TSHZ1: variants seen among roughly 807,000 people sequenced by gnomAD.
The protein encoded by TSHZ1 is teashirt homolog 1.
In TSHZ1, 12 loss-of-function variants were observed where a neutral mutation model predicts 67.1. The ratio of observed to expected loss-of-function variants is 0.18; its 90% CI spans 0.11 to 0.29. The LOEUF (loss-of-function observed/expected upper bound fraction) is 0.29. Ranked by LOEUF, TSHZ1 falls within the 10% of genes least tolerant of loss-of-function variation. The pLI is 1.00. For missense variants in TSHZ1, 1,305 were observed against 1,413.9 expected (o/e 0.92, Z 1.23); for synonymous variants, 632 against 622.4 (o/e 1.02, Z -0.23).
intron 1 of TSHZ1, among the ~76,000 whole-genome samples, chr18:75,267,138 A>G (rs895604573): frequency 6.6e-6 from 1 of 152,240 alleles, no homozygotes; most frequent in East Asian, 1.9e-4. Context: ...AAATGAATAT[A>G]CACCATGATT....
intron 1 of TSHZ1, among the ~76,000 whole-genome samples, chr18:75,248,796 G>A (rs888507733): frequency 4.6e-5 from 7 of 152,334 alleles, no homozygotes; most frequent in East Asian, 1.9e-4. Context: ...CCAGCTTTGC[G>A]AGTGTGATGG....
At chr18:75,259,606 A>C (rs2023405554) in intron 1 of TSHZ1, among the ~76,000 whole-genome samples, 1 of 152,064 alleles carries the variant, frequency 6.6e-6, no homozygotes, top group Non-Finnish European at 1.5e-5. Context: ...TGAGAAAGAG[A>C]CCCCATTCAC....
chr18:75,267,641 T>A (rs2023505763), intron 1 of TSHZ1, among the ~76,000 whole-genome samples: 1 of 152,158 alleles, frequency 6.6e-6, no homozygotes, highest in Non-Finnish European at 1.5e-5. Context: ...ATGATAGCCG[T>A]TTCTCACAGA....
intron 1 of TSHZ1, among the ~76,000 whole-genome samples, chr18:75,274,853 T>C (rs776002533): frequency 6.6e-6 from 1 of 152,208 alleles, no homozygotes; most frequent in Non-Finnish European, 1.5e-5. Flanking sequence ...TTGATATAAC[T>C]TTTGATTCAG....
At chr18:75,263,790 C>G (rs772883516) in intron 1 of TSHZ1, among the ~76,000 whole-genome samples, 1 of 152,124 alleles carries the variant, frequency 6.6e-6, no homozygotes, top group Non-Finnish European at 1.5e-5. Context: ...ACAAAATGAC[C>G]TTTTACTAAG....
In TSHZ1 at chr18:75,234,935, C is replaced by T. The variant is rs181420239; in HGVS notation, c.40+23019C>T. Among the ~76,000 whole-genome samples, 1,024 of 152,280 alleles carry T rather than the reference C, an allele frequency of 6.7e-3. 14 individuals carry two copies. The highest frequency in any genetic ancestry group is 0.023 in the African/African-American group (966 of 41,556). ...TATTTCATTTTCTCAGTAGACCCAG[C>T]GCATCGAAAGATTTTGTGTATTGAA... On this transcript the variant is annotated intron_variant, in intron 1 of 1. Transcript: ENST00000580243.
intron 1 of TSHZ1, among the ~76,000 whole-genome samples, chr18:75,231,037 G>A (rs1285168607): frequency 1.3e-5 from 2 of 152,254 alleles, no homozygotes; most frequent in Non-Finnish European, 2.9e-5. Context: ...ATCCCAGGCT[G>A]GAGGCCAGCC....
intron 1 of TSHZ1, among the ~76,000 whole-genome samples, chr18:75,275,660 G>A (rs2023606643): frequency 6.6e-6 from 1 of 152,168 alleles, no homozygotes; most frequent in African/African-American, 2.4e-5. Context: ...GGCTAATATT[G>A]GGTTTGTAGA....
At chr18:75,267,705 A>G (rs1272672707) in intron 1 of TSHZ1, among the ~76,000 whole-genome samples, 1 of 152,234 alleles carries the variant, frequency 6.6e-6, no homozygotes, top group Non-Finnish European at 1.5e-5. Flanking sequence ...GACCTTTCGT[A>G]TGCATATTCA....
Position 75,281,521 on chromosome 18 carries a change from G to T in TSHZ1, c.41-3927G>T, listed in dbSNP as rs1052441514. ...GGGCCAGGCCCTGAAAGCACCATGG[G>T]GGTGGCATGACAGGCGTCCTCCCTG... On this transcript the variant is annotated intron_variant, in intron 1 of 1. Transcript: ENST00000580243. This position sits in a 1 kb window ranked among gnomAD's most constrained non-coding sequence, Gnocchi z 5.3. Among the ~76,000 whole-genome samples, 1 of 152,176 alleles carries T rather than the reference G, an allele frequency of 6.6e-6. No homozygotes were observed. The highest frequency in any genetic ancestry group is 2.4e-5 in the African/African-American group (1 of 41,436).
At position 75,211,010 on chromosome 18, in the gene TSHZ1, G is replaced by C. The variant is rs2022672972; in HGVS notation, c.-867G>C. 1 of 150,286 alleles carries C rather than the reference G, an allele frequency of 6.7e-6. No individual in the cohort carries two copies. Among genetic ancestry groups the C allele is most frequent in the Non-Finnish European group, 1.5e-5 (1 of 67,574 alleles). 9.3% of individuals were successfully genotyped at this position (150,286 alleles called of 1,614,324 possible). A position where few individuals can be genotyped will look rare whatever the true frequency, so the allele number is the denominator to read the frequency against. On this transcript the variant is annotated 5_prime_UTR_variant, in exon 1 of 2. Transcript: ENST00000580243. ...GCCTTTTTTTTTTCTTGGAGGGGGGGGTGCTTTTTGTGTATTTTTCAAATT... is the reference window on the plus strand; with the variant it reads ...GCCTTTTTTTTTTCTTGGAGGGGGGCGTGCTTTTTGTGTATTTTTCAAATT...
chr18:75,266,706 G>A (rs1286602097), intron 1 of TSHZ1, among the ~76,000 whole-genome samples: 1 of 152,224 alleles, frequency 6.6e-6, no homozygotes, highest in African/African-American at 2.4e-5. Context: ...GTCAAGAACT[G>A]TAGTTGTGGG....
chr18:75,288,712 C>T lies in TSHZ1; in HGVS notation c.*71C>T. On this transcript the variant is annotated 3_prime_UTR_variant, in exon 2 of 2. Coordinates refer to ENST00000580243, the MANE Select transcript of TSHZ1 (RefSeq NM_001308210.2). The surrounding 1 kb of genome is among the most constrained non-coding windows in gnomAD (Gnocchi z 4.9). ...CGAGCTGCACTAGGCCTGGCCTGAG[C>T]CTCTGAAATCAGTCTTTCCTTTGTT... 6.6e-7 allele frequency: 1 copy of T among 1,510,628 alleles called. No homozygotes were observed. The highest frequency in any genetic ancestry group is 8.8e-7 in the Non-Finnish European group (1 of 1,132,064). The allele number at this position is 1,510,628 out of a possible 1,614,324, so 93.6% of individuals were successfully genotyped here.
chr18:75,262,762 G>A (rs754645280), intron 1 of TSHZ1, among the ~76,000 whole-genome samples: 1 of 152,080 alleles, frequency 6.6e-6, no homozygotes, highest in South Asian at 2.1e-4. Context: ...TCCTCTTCCT[G>A]TGCCTTTTGA....
At position 75,287,075 on chromosome 18, in the gene TSHZ1, G is replaced by T; in HGVS notation, c.1668G>T (p.Glu556Asp). 1 of 1,614,100 alleles carries T rather than the reference G, an allele frequency of 6.2e-7. No individual in the cohort carries two copies. Among genetic ancestry groups the T allele is most frequent in the Non-Finnish European group, 8.5e-7 (1 of 1,180,030 alleles). The change falls in exon 2 of 2, where the codon GAG (glutamate) becomes GAT (aspartate). Residue 556 changes from glutamate (E) to aspartate (D), a missense_variant. Physicochemically the swap from Glu to Asp is conservative, Grantham distance 45. Transcript: ENST00000580243. The surrounding 1 kb of genome is among the most constrained non-coding windows in gnomAD (Gnocchi z 5.0). Reference protein sequence around the residue: ...KGGLDILKSLENTVSTAISKA... With the variant: ...KGGLDILKSLDNTVSTAISKA... ...GGCTGGACATTCTCAAGTCCCTGGA[G>T]AATACCGTCTCCACGGCCATTAGCA...
At chr18:75,222,147 C>T (rs890470891) in intron 1 of TSHZ1, among the ~76,000 whole-genome samples, 5 of 151,280 alleles carry the variant, frequency 3.3e-5, no homozygotes, top group South Asian at 2.1e-4. Flanking sequence ...TGTGTAGCGG[C>T]GTGGCTTGTG....
chr18:75,285,893 C>A lies in TSHZ1; in HGVS notation c.486C>A (p.Thr162=). The A allele has an allele frequency of 6.6e-7, 1 of 1,510,064 alleles. No individual in the cohort carries two copies. Among genetic ancestry groups the A allele is most frequent in the South Asian group, 1.2e-5 (1 of 82,358 alleles). 93.5% of individuals were successfully genotyped at this position (1,510,064 alleles called of 1,614,324 possible). ...ESSAPTPTPP[T]CPVSTTGPTT... is the part of the protein sequence containing the mutation. ...CCGCCCCCACCCCCACACCCCCCACCTGCCCCGTCAGCACCACTGGCCCCA... is the reference window on the plus strand; with the variant it reads ...CCGCCCCCACCCCCACACCCCCCACATGCCCCGTCAGCACCACTGGCCCCA... Residue 162 remains threonine, a synonymous_variant, in exon 2 of 2, where the codon ACC becomes ACA. Coordinates refer to ENST00000580243, the MANE Select transcript of TSHZ1 (RefSeq NM_001308210.2).
chr18:75,217,324 G>T (rs1361055255), intron 1 of TSHZ1, among the ~76,000 whole-genome samples: 1 of 152,184 alleles, frequency 6.6e-6, no homozygotes. Flanking sequence ...TTGACAACCT[G>T]TAAGGGATTC....
chr18:75,256,966 A>C (rs1655671412), intron 1 of TSHZ1, among the ~76,000 whole-genome samples: 1 of 151,440 alleles, frequency 6.6e-6, no homozygotes, highest in Non-Finnish European at 1.5e-5. Flanking sequence ...TTATGGGGAA[A>C]TGCTGCTCTT....
Sources: gnomAD v4.1 joint callset for allele counts (sites outside exome capture counted in the v4.1 genomes callset) on GRCh38, gnomAD v4.1.1 for gene constraint, Gnocchi (gnomAD v3.1) non-coding constraint, MANE v1.5 for transcripts, NCBI Gene and HGNC (gene_info 2026-07-23, HGNC 2026-07-21) for gene names.